The following KIAA0753 variants were observed in gnomAD, a reference collection of about 807,000 sequenced individuals.
KIAA0753 encodes the protein KIAA0753.
A neutral mutation model predicts 116.9 loss-of-function variants in KIAA0753; 114 were observed. The observed-to-expected ratio is 0.98, with a 90% CI of 0.84 to 1.14. The LOEUF (loss-of-function observed/expected upper bound fraction) is 1.14. Among genes scored for constraint, KIAA0753 ranks in the 50% most tolerant of loss-of-function variants. The pLI is 0.00. For synonymous variants in KIAA0753, 405 were observed against 413.1 expected, an observed-to-expected ratio of 0.98 and a Z score of 0.24; for missense variants, 1,156 against 1,172.4, an observed-to-expected ratio of 0.99 and a Z score of 0.20.
intron 2 of KIAA0753, among the ~76,000 whole-genome samples, chr17:6,629,574 C>T (rs751683951): frequency 1.1e-4 from 16 of 152,032 alleles, no homozygotes; most frequent in Admixed American, 6.5e-5. Flanking sequence ...AGGAAAGAAA[C>T]GATTTTATGG....
At chr17:6,580,927 CACA>C (rs1968128225) in intron 18 of KIAA0753, among the ~76,000 whole-genome samples, 2 of 144,680 alleles carry the variant, frequency 1.4e-5, no homozygotes, top group African/African-American at 5.0e-5. Context: ...CACACACACA[CACA>C]CCTTCATTTT....
At chr17:6,627,381 A>C (rs950169430) in intron 3 of KIAA0753, among the ~76,000 whole-genome samples, 20 of 152,322 alleles carry the variant, frequency 1.3e-4, no homozygotes, top group Middle Eastern at 3.4e-3. Context: ...ATATTAATTA[A>C]ATTGAAAATG....
intron 16 of KIAA0753, among the ~76,000 whole-genome samples, chr17:6,591,061 A>AGGAAGAAGGAAGAAGGAAGAAG (rs756256430): frequency 1.1e-4 from 8 of 72,534 alleles, no homozygotes; most frequent in African/African-American, 4.8e-4. Context: ...AAGAAGAAGA[A>AGGAAGAAGGAAGAAGGAAGAAG]GAAGAAGAAG....
intron 7 of KIAA0753, among the ~76,000 whole-genome samples, chr17:6,614,105 C>T (rs1033963656): frequency 2.0e-5 from 3 of 152,202 alleles, no homozygotes; most frequent in African/African-American, 7.2e-5. Context: ...AGATGATTGA[C>T]TTCACTAGAA....
chr17:6,639,433 A>T lies in KIAA0753; in HGVS notation c.-69+1204T>A, dbSNP rs568572011. 1.3e-5 allele frequency: 2 copies of T among 151,738 alleles called. No homozygotes were observed. Among genetic ancestry groups the T allele is most frequent in the East Asian group, 3.9e-4 (2 of 5,138 alleles). The allele number at this position is 151,738 out of a possible 1,614,324, so 9.4% of individuals were successfully genotyped here. A position where few individuals can be genotyped will look rare whatever the true frequency, so the allele number is the denominator to read the frequency against. ...AGGGCCTGAGACAAACCCATAGCCT[A>T]TCTCCTCCCCAGTCTCAGGAACCCC... On this transcript the variant is annotated intron_variant, in intron 1 of 18. Transcript: ENST00000361413. This position sits in a 1 kb window ranked among gnomAD's most constrained non-coding sequence, Gnocchi z 4.3.
intron 6 of KIAA0753, among the ~76,000 whole-genome samples, chr17:6,621,217 T>A (rs531697772): frequency 6.6e-6 from 1 of 152,194 alleles, no homozygotes; most frequent in Non-Finnish European, 1.5e-5. Context: ...CTAAAGCCAA[T>A]AGCAAAGACA....
At chr17:6,583,649 G>T (rs1445601148) in intron 18 of KIAA0753, among the ~76,000 whole-genome samples, 7 of 152,084 alleles carry the variant, frequency 4.6e-5, no homozygotes, top group Admixed American at 2.0e-4. Context: ...CCCAACCAAT[G>T]AATTCTTCAT....
In KIAA0753 at chr17:6,589,816, C is replaced by G; in HGVS notation, c.2749G>C (p.Ala917Pro). Residue 917 changes from alanine (A) to proline (P), a missense_variant, in exon 18 of 19, where the codon GCT becomes CCT. Coordinates refer to ENST00000361413, the MANE Select transcript of KIAA0753 (RefSeq NM_014804.3). ...EQYLRIISHE[A>P]VGSFNPWLIA... is the part of the protein sequence containing the mutation. ...AGCCACGGGTTGAAGGAGCCTACAG[C>G]CTCATGAGATATGATCCGAAGGTAC... The G allele has an allele frequency of 6.2e-7, 1 of 1,613,758 alleles. No homozygotes were observed. Among genetic ancestry groups the G allele is most frequent in the Non-Finnish European group, 8.5e-7 (1 of 1,179,872 alleles).
At chr17:6,629,888 C>T (rs955707473) in intron 2 of KIAA0753, among the ~76,000 whole-genome samples, 2 of 152,142 alleles carry the variant, frequency 1.3e-5, no homozygotes, top group African/African-American at 4.8e-5. Context: ...GACTGATGAA[C>T]GGTGTTTGTC....
intron 1 of KIAA0753, chr17:6,635,755 T>G (rs536768355): frequency 6.6e-6 from 1 of 151,330 alleles, no homozygotes; most frequent in African/African-American, 2.4e-5. Context: ...CACAAGATAA[T>G]AGATATGAAA....
chr17:6,622,162 T>C (rs1443580084), intron 6 of KIAA0753, among the ~76,000 whole-genome samples: 4 of 152,188 alleles, frequency 2.6e-5, no homozygotes, highest in Admixed American at 1.3e-4. Context: ...GAACTAATAC[T>C]AGCATGGGAG....
intron 7 of KIAA0753, among the ~76,000 whole-genome samples, chr17:6,618,866 A>G (rs1399197313): frequency 6.6e-6 from 1 of 152,234 alleles, no homozygotes; most frequent in African/African-American, 2.4e-5. Flanking sequence ...GGTAGAAAAA[A>G]GTTCAAATAT....
At chr17:6,599,016 C>G (rs1425503451) in intron 14 of KIAA0753, among the ~76,000 whole-genome samples, 1 of 152,240 alleles carries the variant, frequency 6.6e-6, no homozygotes, top group Non-Finnish European at 1.5e-5. Flanking sequence ...CTAACAAAAA[C>G]CTGTGGCTGT....
Position 6,628,483 on chromosome 17 carries a change from T to A in KIAA0753, c.352A>T (p.Lys118Ter). 1 of 1,614,216 alleles carries A rather than the reference T, an allele frequency of 6.2e-7. No individual in the cohort carries two copies. The highest frequency in any genetic ancestry group is 1.6e-4 in the Middle Eastern group (1 of 6,062). The change falls in exon 3 of 19, where the codon AAA becomes TAA. Residue 118 changes from lysine to a stop codon, truncating the protein, a stop_gained. Transcript: ENST00000361413. LOFTEE classifies it high-confidence loss of function. ...VKRRQFEKHI[K>*]EHHLRSQPQS... ...GGCTGACTTCTGAGATGATGTTCTT[T>A]TATATGTTTTTCAAATTGTCTTCGT...
chr17:6,633,478 T>C (rs1972126564), intron 2 of KIAA0753, among the ~76,000 whole-genome samples: 1 of 152,216 alleles, frequency 6.6e-6, no homozygotes. Context: ...AAAGGTCCAA[T>C]GGTTTGTTAT....
intron 7 of KIAA0753, among the ~76,000 whole-genome samples, chr17:6,614,920 T>G (rs1291835881): frequency 6.6e-6 from 1 of 152,188 alleles, no homozygotes. Context: ...TGCCTCAGCC[T>G]CCTGAGCAGC....
chr17:6,589,221 C>T (rs1968808337), intron 18 of KIAA0753, among the ~76,000 whole-genome samples: 1 of 152,102 alleles, frequency 6.6e-6, no homozygotes, highest in African/African-American at 2.4e-5. Flanking sequence ...GGTGGAGGTC[C>T]CTCAATGGGA....
At position 6,579,832 on chromosome 17, in the gene KIAA0753, C is replaced by T. The variant is rs763250608; in HGVS notation, c.2819G>A (p.Gly940Asp). 9.9e-6 allele frequency: 16 copies of T among 1,613,866 alleles called. No individual in the cohort carries two copies. The highest frequency in any genetic ancestry group is 2.2e-5 in the East Asian group (1 of 44,884). The part of the protein sequence containing the change: ...FSEELVDEAL[G>D]AVAAELQDMC... ...ATCCTGAAGTTCAGCAGCCACAGCA[C>T]CCAGAGCTTCATCTACCAGCTCTTC... is the stretch of plus-strand genomic sequence containing the variant. Residue 940 changes from glycine to aspartate, a missense_variant, in exon 19 of 19, where the codon GGT becomes GAT. By Grantham distance (94) the Gly-to-Asp change is moderately conservative (BLOSUM62 -1). Transcript: ENST00000361413.
chr17:6,592,867 G>C (rs528916011), intron 16 of KIAA0753, among the ~76,000 whole-genome samples: 1 of 152,018 alleles, frequency 6.6e-6, no homozygotes, highest in Non-Finnish European at 1.5e-5. Flanking sequence ...GAAATAAGCA[G>C]CTGAGCCCAT....
Sources: gnomAD v4.1 joint callset for allele counts (sites outside exome capture counted in the v4.1 genomes callset) on GRCh38, gnomAD v4.1.1 for gene constraint, Gnocchi (gnomAD v3.1) non-coding constraint, MANE v1.5 for transcripts, NCBI Gene and HGNC (gene_info 2026-07-23, HGNC 2026-07-21) for gene names.